The following HELLS variants were observed in gnomAD, a reference collection of about 807,000 sequenced individuals.
HELLS encodes helicase, lymphoid specific, also known as lymphoid-specific helicase.
In HELLS, 32 loss-of-function variants were observed where a neutral mutation model predicts 120.0. That is an observed-to-expected ratio of 0.27 (90% CI 0.20 to 0.36). The LOEUF (loss-of-function observed/expected upper bound fraction) is 0.36. Among genes scored for constraint, HELLS ranks in the 10% least tolerant of loss-of-function variants. The pLI is 1.00. For missense variants in HELLS, 650 were observed against 993.4 expected, an observed-to-expected ratio of 0.65 and a Z score of 4.65; for synonymous variants, 341 against 323.4, an observed-to-expected ratio of 1.05 and a Z score of -0.58.
chr10:94,611,782 G>C (rs1846195830), exon 10 of HELLS: 1 of 152,142 alleles, frequency 6.6e-6, no homozygotes, highest in African/African-American at 2.4e-5. Flanking sequence ...GCTGACATTT[G>C]ACTGAAAATT....
intron 21 of HELLS, among the ~76,000 whole-genome samples, chr10:94,599,468 C>T: frequency 6.6e-6 from 1 of 152,160 alleles, no homozygotes. Context: ...ATCCCCACAC[C>T]TCAGCCTCCC....
intron 9 of HELLS, among the ~76,000 whole-genome samples, chr10:94,609,509 C>T (rs1065026): frequency 0.17 from 25,299 of 152,136 alleles, 2,257 homozygotes; most frequent in Middle Eastern, 0.24. Context: ...GATGATTTCT[C>T]TTACTGTAGA....
chr10:94,548,720 A>G (rs1297933173), intron 2 of HELLS, among the ~76,000 whole-genome samples: 1 of 152,100 alleles, frequency 6.6e-6, no homozygotes, highest in Non-Finnish European at 1.5e-5. Context: ...ATGGCCTGGC[A>G]TGGTGGCTCA....
intron 10 of HELLS, among the ~76,000 whole-genome samples, chr10:94,580,278 G>C (rs569650442): frequency 6.7e-6 from 1 of 149,146 alleles, no homozygotes; most frequent in Admixed American, 6.7e-5. Context: ...TGTCTCCCGG[G>C]CTCAAGCAAT....
intron 4 of HELLS, among the ~76,000 whole-genome samples, chr10:94,559,594 C>T (rs923806360): frequency 1.3e-4 from 20 of 151,510 alleles, no homozygotes; most frequent in Admixed American, 5.3e-4. Flanking sequence ...TACAGGTGCG[C>T]GCCACCATGC....
chr10:94,607,372 G>T (rs1180995258), intron 8 of HELLS, among the ~76,000 whole-genome samples: 3 of 152,122 alleles, frequency 2.0e-5, no homozygotes, highest in Admixed American at 6.5e-5. Context: ...TTGTCTGGGG[G>T]TGTTTAACAC....
chr10:94,573,967 ACTC>A lies in HELLS; in HGVS notation c.492_494del (p.Ser165del), dbSNP rs777049926. On this transcript the variant is annotated inframe_deletion, in exon 8 of 22. Coordinates refer to ENST00000348459, the MANE Select transcript of HELLS (RefSeq NM_018063.5). Reference sequence around the variant, plus strand: ...AACTTTTTTTCTCTACAGGATGAAAACTCCTCCTCTACTAATCTCTGTGTGGAA... The same window carrying A: ...AACTTTTTTTCTCTACAGGATGAAAACTCCTCTACTAATCTCTGTGTGGAA... 8.2e-6 allele frequency: 13 copies of A among 1,589,654 alleles called. No individual in the cohort carries two copies. Among genetic ancestry groups the A allele is most frequent in the South Asian group, 1.1e-5 (1 of 89,752 alleles).
At chr10:94,593,248 T>C (rs1564615329) in intron 17 of HELLS, among the ~76,000 whole-genome samples, 1 of 152,230 alleles carries the variant, frequency 6.6e-6, no homozygotes, top group Non-Finnish European at 1.5e-5. Flanking sequence ...TTTTTTGATA[T>C]TAGCTTTTCT....
chr10:94,607,874 C>T (rs1846144619), intron 8 of HELLS: 1 of 403,970 alleles, frequency 2.5e-6, no homozygotes, highest in Non-Finnish European at 4.9e-6. Flanking sequence ...ATTACAGGTG[C>T]ATGCCACCAC....
intron 12 of HELLS, 125 bp downstream of exon 12, chr10:94,583,184 T>C (rs1844959300): frequency 2.1e-6 from 1 of 475,108 alleles, no homozygotes; most frequent in African/African-American, 2.0e-5. Context: ...TACATTTAAA[T>C]GACTCCTTTG....
chr10:94,579,604 C>T (rs763847215), intron 10 of HELLS, among the ~76,000 whole-genome samples: 8 of 151,740 alleles, frequency 5.3e-5, no homozygotes, highest in Non-Finnish European at 7.4e-5. Context: ...TCCTGTGGCA[C>T]GATCTCAGCT....
chr10:94,591,613 C>T (rs957536767), intron 15 of HELLS, among the ~76,000 whole-genome samples: 4 of 152,202 alleles, frequency 2.6e-5, no homozygotes, highest in Non-Finnish European at 5.9e-5. Context: ...GTATTCACTT[C>T]CCTCAGTTAT....
Position 94,609,923 on chromosome 10 carries a change from T to G in HELLS, c.*72T>G, listed in dbSNP as rs547403608. The G allele has an allele frequency of 5.9e-5, 9 of 152,312 alleles. No individual in the cohort carries two copies. In the East Asian group the frequency reaches 1.7e-3, roughly 29 times the overall value. The allele number at this position is 152,312 out of a possible 1,614,324, so 9.4% of individuals were successfully genotyped here. On this transcript the variant is annotated 3_prime_UTR_variant, in exon 10 of 10. Transcript: ENST00000371327. ...CACAAGACAGGTTTAATCTTTTTCT[T>G]GGGGGACAAGATTGGAAAATTGAGG... is the stretch of plus-strand genomic sequence containing the variant.
At chr10:94,587,071 G>A (rs1016303696) in intron 12 of HELLS, among the ~76,000 whole-genome samples, 1 of 152,018 alleles carries the variant, frequency 6.6e-6, no homozygotes, top group Non-Finnish European at 1.5e-5. Context: ...ATTATTGTCT[G>A]TTGCTTCTGT....
chr10:94,580,015 T>A (rs1163662384), intron 10 of HELLS, among the ~76,000 whole-genome samples: 1 of 151,092 alleles, frequency 6.6e-6, no homozygotes, highest in South Asian at 2.1e-4. Context: ...CTTTTGTTGC[T>A]GAGTGCGAGT....
At position 94,563,812 on chromosome 10, in the gene HELLS, T is replaced by TTC. The variant is rs1843666585; in HGVS notation, c.435+937_435+938insCT. Among the ~76,000 whole-genome samples the TTC allele has an allele frequency of 3.3e-5, 5 of 150,268 alleles. No homozygotes were observed. In the South Asian group the frequency reaches 1.1e-3, roughly 32 times the overall value. The stretch of plus-strand genomic sequence containing the variant: ...GCTTTTTGTTGGTTTTCTTTTCTTT[T>TTC]TTTTTTTTTTTTGATGAGACGGAGA... On this transcript the variant is annotated intron_variant, in intron 6 of 21. Coordinates refer to ENST00000348459, the MANE Select transcript of HELLS (RefSeq NM_018063.5).
intron 17 of HELLS, among the ~76,000 whole-genome samples, chr10:94,592,752 G>A (rs756131324): frequency 1.3e-5 from 2 of 150,812 alleles, no homozygotes; most frequent in Non-Finnish European, 2.9e-5. Flanking sequence ...AACCATCACT[G>A]TAAGAATATT....
At chr10:94,592,711 C>T (rs1479096615) in intron 17 of HELLS, among the ~76,000 whole-genome samples, 197 bp downstream of exon 17, 1 of 151,750 alleles carries the variant, frequency 6.6e-6, no homozygotes, top group Non-Finnish European at 1.5e-5. Flanking sequence ...TATATATCTT[C>T]TGGCACAATC....
chr10:94,551,986 G>C (rs1052650291), intron 2 of HELLS, among the ~76,000 whole-genome samples: 2 of 152,060 alleles, frequency 1.3e-5, no homozygotes, highest in Admixed American at 1.3e-4. Flanking sequence ...GGATCCGCCC[G>C]CCTCAGCCTC....
Sources: allele counts gnomAD v4.1 joint callset (sites outside exome capture counted in the v4.1 genomes callset), GRCh38; gene constraint gnomAD v4.1.1; transcripts MANE v1.5; gene names NCBI Gene and HGNC (gene_info 2026-07-23, HGNC 2026-07-21).